The following PXDNL variants were observed in gnomAD, a reference collection of about 807,000 sequenced individuals.
PXDNL encodes probable oxidoreductase PXDNL.
PXDNL carries 145 observed loss-of-function variants against 150.8 expected under a neutral mutation model. That is an observed-to-expected ratio of 0.96 (90% CI 0.84 to 1.10). The LOEUF is 1.10. PXDNL is among the 50% of genes least tolerant of loss of function. The probability of loss-of-function intolerance (pLI) is 0.00; values close to 1 mark genes in which losing one functional copy is unlikely to be tolerated. For synonymous variants in PXDNL, 757 were observed against 725.7 expected, an observed-to-expected ratio of 1.04 and a Z score of -0.69; for missense variants, 2,087 against 1,873.9, an observed-to-expected ratio of 1.11 and a Z score of -2.10.
chr8:51,468,385 G>C (rs1167378627), intron 8 of PXDNL, among the ~76,000 whole-genome samples: 1 of 151,842 alleles, frequency 6.6e-6, no homozygotes, highest in African/African-American at 2.4e-5. Context: ...ATGATCTAAT[G>C]ATTTGTGATT....
chr8:51,687,700 C>A (rs1303627472), intron 1 of PXDNL, among the ~76,000 whole-genome samples: 1 of 152,144 alleles, frequency 6.6e-6, no homozygotes, highest in Admixed American at 6.5e-5. Context: ...TCGTCCAATG[C>A]AGGAGACTGA....
chr8:51,527,456 G>C (rs182046240), intron 4 of PXDNL, among the ~76,000 whole-genome samples: 1 of 152,292 alleles, frequency 6.6e-6, no homozygotes, highest in East Asian at 1.9e-4. Context: ...GACAAGGAGA[G>C]CAAACAGGTT....
At chr8:51,558,672 T>A (rs760528780) in intron 3 of PXDNL, among the ~76,000 whole-genome samples, 1 of 152,104 alleles carries the variant, frequency 6.6e-6, no homozygotes, top group Admixed American at 6.6e-5. Flanking sequence ...CACTTTAGAC[T>A]GTTATATTGT....
chr8:51,502,816 T>C (rs534059338), intron 4 of PXDNL, among the ~76,000 whole-genome samples: 1 of 152,230 alleles, frequency 6.6e-6, no homozygotes, highest in African/African-American at 2.4e-5. Context: ...GGTGTCTGCA[T>C]TGCTAGAAGT....
chr8:51,642,493 C>G (rs951999801), intron 2 of PXDNL, among the ~76,000 whole-genome samples: 7 of 152,058 alleles, frequency 4.6e-5, no homozygotes, highest in African/African-American at 1.4e-4. Context: ...ATTCAACAGC[C>G]CTTCAGGCTA....
At chr8:51,793,084 G>A (rs1030014150) in intron 1 of PXDNL, among the ~76,000 whole-genome samples, 4 of 152,124 alleles carry the variant, frequency 2.6e-5, no homozygotes, top group African/African-American at 7.2e-5. Flanking sequence ...GGTTCCCACC[G>A]GCATCAGGTT....
At chr8:51,763,358 C>T (rs560275518) in intron 1 of PXDNL, among the ~76,000 whole-genome samples, 2 of 151,438 alleles carry the variant, frequency 1.3e-5, no homozygotes, top group African/African-American at 2.4e-5. Flanking sequence ...GGAGTATGAC[C>T]TTCCTGGGGC....
intron 3 of PXDNL, among the ~76,000 whole-genome samples, chr8:51,573,620 A>C (rs965559096): frequency 6.6e-6 from 1 of 152,016 alleles, no homozygotes; most frequent in Non-Finnish European, 1.5e-5. Context: ...GTGGGAATCA[A>C]TGGAAGCCAC....
At position 51,409,189 on chromosome 8, in the gene PXDNL, T is replaced by C. The variant is rs1296644711; in HGVS notation, c.2435A>G (p.His812Arg). 1.9e-6 allele frequency: 3 copies of C among 1,593,096 alleles called. No individual in the cohort carries two copies. In the South Asian group the frequency reaches 3.4e-5, roughly 18 times the overall value. ...CGCAGGCACTGTGTGGTCCAAGTCG[T>C]GCTCTAGAAACCAGCCCCAGTGCAT... ...MLMHWGWFLE[H>R]DLDHTVPALS... Residue 812 changes from histidine (H) to arginine (R), a missense_variant, in exon 17 of 23, where the codon CAC (histidine) becomes CGC (arginine). By Grantham distance (29) the His-to-Arg change is conservative. Coordinates refer to ENST00000356297, the MANE Select transcript of PXDNL (RefSeq NM_144651.5).
intron 21 of PXDNL, among the ~76,000 whole-genome samples, chr8:51,324,848 G>C (rs1274265274): frequency 1.3e-5 from 2 of 152,088 alleles, no homozygotes; most frequent in African/African-American, 2.4e-5. Flanking sequence ...CAGTGTGTTT[G>C]AAATTGCTCA....
At chr8:51,563,227 T>C (rs116290043) in intron 3 of PXDNL, among the ~76,000 whole-genome samples, 1,826 of 152,120 alleles carry the variant, frequency 0.012, 32 homozygotes, top group African/African-American at 0.042. Flanking sequence ...GCAATTTATA[T>C]GCTAACAGTT....
chr8:51,743,319 G>T (rs1409319696), intron 1 of PXDNL, among the ~76,000 whole-genome samples: 2 of 152,118 alleles, frequency 1.3e-5, no homozygotes, highest in Non-Finnish European at 1.5e-5. Flanking sequence ...CCGGGTTCAA[G>T]CTATTCTCCT....
At chr8:51,609,617 A>G (rs951652067) in intron 2 of PXDNL, among the ~76,000 whole-genome samples, 1 of 152,230 alleles carries the variant, frequency 6.6e-6, no homozygotes, top group Non-Finnish European at 1.5e-5. Flanking sequence ...CAAAGGTGAA[A>G]CACACATAGA....
intron 19 of PXDNL, 96 bp from the exon 20 acceptor site, chr8:51,346,043 A>G (rs1806147102): frequency 1.2e-5 from 9 of 730,246 alleles, no homozygotes; most frequent in South Asian, 1.0e-4. Context: ...GGGCAAGAGT[A>G]CCAAGAAGAA....
intron 2 of PXDNL, among the ~76,000 whole-genome samples, chr8:51,643,991 A>C (rs566206563): frequency 6.6e-6 from 1 of 151,678 alleles, no homozygotes; most frequent in African/African-American, 2.4e-5. Flanking sequence ...CTAAAAATAC[A>C]AAAAATTAGC....
chr8:51,583,163 G>A (rs1380567390), intron 3 of PXDNL, among the ~76,000 whole-genome samples: 3 of 152,216 alleles, frequency 2.0e-5, no homozygotes, highest in African/African-American at 4.8e-5. Flanking sequence ...CATTGGCATC[G>A]CTTTAAAGGA....
At chr8:51,415,586 G>A (rs1018097884) in intron 14 of PXDNL, among the ~76,000 whole-genome samples, 1 of 152,162 alleles carries the variant, frequency 6.6e-6, no homozygotes, top group African/African-American at 2.4e-5. Flanking sequence ...AACTGGACAT[G>A]AGATATGGAC....
At position 51,499,702 on chromosome 8, in the gene PXDNL, C is replaced by A. The variant is rs75168301; in HGVS notation, c.449G>T (p.Arg150Leu). ...ETFGDLLRLE[R>L]LFLHNNKLSK... ...CATCTAAAGGGTCAACACTTACAGT[C>A]GCTCTAATCTCAGAAGGTCTCCAAA... The change falls in exon 5 of 23, where the codon CGA becomes CTA. Residue 150 changes from arginine to leucine, a missense_variant. By Grantham distance (102) the Arg-to-Leu change is moderately radical. Coordinates refer to ENST00000356297, the MANE Select transcript of PXDNL (RefSeq NM_144651.5). 3.1e-6 allele frequency: 5 copies of A among 1,609,364 alleles called. No individual in the cohort carries two copies. The South Asian group carries it at 3.3e-5, about 11-fold the overall frequency.
intron 14 of PXDNL, among the ~76,000 whole-genome samples, chr8:51,420,197 C>T (rs1808909781): frequency 6.6e-6 from 1 of 152,130 alleles, no homozygotes; most frequent in Non-Finnish European, 1.5e-5. Context: ...AATGGAATTA[C>T]AACATTCTAC....
Sources: gnomAD v4.1 joint callset for allele counts (sites outside exome capture counted in the v4.1 genomes callset) on GRCh38, gnomAD v4.1.1 for gene constraint, MANE v1.5 for transcripts, NCBI Gene and HGNC (gene_info 2026-07-23, HGNC 2026-07-21) for gene names.